PNO1: variants seen among roughly 807,000 people sequenced by gnomAD.
PNO1 encodes the protein partner of NOB1 homolog.
A neutral mutation model predicts 28.4 loss-of-function variants in PNO1; 16 were observed. The ratio of observed to expected loss-of-function variants is 0.56; its 90% CI spans 0.38 to 0.85. The LOEUF (loss-of-function observed/expected upper bound fraction) is 0.85. PNO1 is among the 40% of genes least tolerant of loss of function. The pLI is 0.00. For missense variants in PNO1, 304 were observed against 312.2 expected, an observed-to-expected ratio of 0.97 and a Z score of 0.20; for synonymous variants, 115 against 110.8, an observed-to-expected ratio of 1.04 and a Z score of -0.24.
rs190021685 is a variant in PNO1 at position 68,173,685 on chromosome 2, C to A, written c.691+268C>A. 3.4e-3 allele frequency among the ~76,000 whole-genome samples: 505 copies of A among 148,782 alleles called. 2 individuals are homozygous for A. Among genetic ancestry groups the A allele is most frequent in the African/African-American group, 0.012 (480 of 40,208 alleles). On this transcript the variant is annotated intron_variant, in intron 6 of 6. Coordinates refer to ENST00000263657, the MANE Select transcript of PNO1 (RefSeq NM_020143.4). ...GCAACCTCTGCCTCCCAAGTTCAAGCGATTCTCCTGCCTCAGACTCATGAG... is the reference window on the plus strand; with the variant it reads ...GCAACCTCTGCCTCCCAAGTTCAAGAGATTCTCCTGCCTCAGACTCATGAG...
chr2:68,163,560 C>T (rs952159234), intron 5 of PNO1, among the ~76,000 whole-genome samples: 6 of 150,734 alleles, frequency 4.0e-5, no homozygotes, highest in African/African-American at 1.5e-4. Context: ...TACATACATA[C>T]ATACATACAT....
intron 2 of PNO1, 102 bp downstream of exon 2, chr2:68,158,631 G>T: frequency 1.9e-6 from 2 of 1,073,646 alleles, no homozygotes; most frequent in Non-Finnish European, 2.6e-6. Flanking sequence ...TCTGTTGTAT[G>T]GTTTTTGTCC....
intron 5 of PNO1, among the ~76,000 whole-genome samples, chr2:68,171,317 A>G (rs1215714516): frequency 2.6e-5 from 4 of 152,162 alleles, no homozygotes; most frequent in East Asian, 1.9e-4. Context: ...AAACGCCCCC[A>G]TGCTTTCTGC....
chr2:68,170,007 T>C (rs966233724), intron 5 of PNO1, among the ~76,000 whole-genome samples: 5 of 152,228 alleles, frequency 3.3e-5, no homozygotes, highest in Non-Finnish European at 5.9e-5. Context: ...GAATTACTTA[T>C]ATCTTTTGTG....
intron 5 of PNO1, among the ~76,000 whole-genome samples, chr2:68,168,912 A>C (rs993037705): frequency 1.4e-5 from 2 of 139,700 alleles, no homozygotes; most frequent in Non-Finnish European, 3.0e-5. Flanking sequence ...CAAGCAATTC[A>C]GCTTTTTTCT....
chr2:68,161,082 G>A, intron 2 of PNO1: 1 of 400,832 alleles, frequency 2.5e-6, no homozygotes, highest in East Asian at 7.3e-5. Context: ...GTTATGGTGT[G>A]TAAAGCATGT....
rs910861102 is a variant in PNO1, at chr2:68,158,261, G to C, written c.208-119G>C. 2.9e-6 allele frequency: 4 copies of C among 1,367,508 alleles called. No homozygotes were observed. In the African/African-American group the frequency reaches 5.8e-5, roughly 20 times the overall value. The allele number at this position is 1,367,508 out of a possible 1,614,324, so 84.7% of individuals were successfully genotyped here. A position where few individuals can be genotyped will look rare whatever the true frequency, so the allele number is the denominator to read the frequency against. ...GTTCTGCCGTGATGCTCAGAGAGAAGTGATTCTTTGAAGTGTAACTAGTTC... is the reference window on the plus strand; with the variant it reads ...GTTCTGCCGTGATGCTCAGAGAGAACTGATTCTTTGAAGTGTAACTAGTTC... On this transcript the variant is annotated intron_variant, in intron 1 of 6. Coordinates refer to ENST00000263657, the MANE Select transcript of PNO1 (RefSeq NM_020143.4).
intron 2 of PNO1, 26 bp from the exon 3 acceptor site, chr2:68,161,657 T>G (rs2103669375): frequency 1.5e-6 from 2 of 1,371,514 alleles, no homozygotes; most frequent in Non-Finnish European, 2.1e-6. Flanking sequence ...CAACGGTATT[T>G]TGTACCCTTT....
chr2:68,176,178 ATTATT>A lies in PNO1; in HGVS notation c.*1381_*1385del, dbSNP rs1484755779. ...GCTAGTTTCTGCCTGTTTAAATGGT[ATTATT>A]TTATACATTACAAAATGGAAGGAAC... On this transcript the variant is annotated 3_prime_UTR_variant, in exon 7 of 7. Transcript: ENST00000263657. 1.3e-5 allele frequency: 2 copies of A among 152,244 alleles called. No homozygotes were observed. Among genetic ancestry groups the A allele is most frequent in the African/African-American group, 4.8e-5 (2 of 41,476 alleles). The allele number at this position is 152,244 out of a possible 1,614,324, so 9.4% of individuals were successfully genotyped here.
intron 5 of PNO1, among the ~76,000 whole-genome samples, chr2:68,172,056 A>G (rs1005041321): frequency 1.3e-5 from 2 of 152,108 alleles, no homozygotes; most frequent in African/African-American, 4.8e-5. Context: ...TAGGGTGGAA[A>G]ACAAGACCCC....
In PNO1 at chr2:68,161,633, T is replaced by G. The variant is rs368158728; in HGVS notation, c.358-50T>G. 2.2e-4 allele frequency: 252 copies of G among 1,131,072 alleles called. 1 individual carries two copies. The African/African-American group carries it at 3.4e-3, about 15-fold the overall frequency. The allele number at this position is 1,131,072 out of a possible 1,614,324, so 70.1% of individuals were successfully genotyped here. ...ATTTCCAGTATTTTGTTAGGACATT[T>G]TCTGTTTGATTCTCAACGGTATTTT... On this transcript the variant is annotated intron_variant, in intron 2 of 6. Coordinates refer to ENST00000263657, the MANE Select transcript of PNO1 (RefSeq NM_020143.4).
chr2:68,165,312 C>T (rs1428500445), intron 5 of PNO1, among the ~76,000 whole-genome samples: 3 of 142,956 alleles, frequency 2.1e-5, no homozygotes, highest in South Asian at 2.2e-4. Context: ...TGCAGTGAGC[C>T]GAGATCCCGC....
intron 2 of PNO1, among the ~76,000 whole-genome samples, chr2:68,160,539 A>T (rs1673805016): frequency 6.6e-6 from 1 of 152,092 alleles, no homozygotes; most frequent in Non-Finnish European, 1.5e-5. Flanking sequence ...TGTCCTATTT[A>T]TTGCAGGATA....
At chr2:68,169,860 AATTTGTGTGTAACTGG>A (rs1313549626) in intron 5 of PNO1, among the ~76,000 whole-genome samples, 1 of 152,140 alleles carries the variant, frequency 6.6e-6, no homozygotes, top group Non-Finnish European at 1.5e-5. Flanking sequence ...TGTTGAAAAA[AATTTGTGTGTAACTGG>A]ACCTGTGCAG....
chr2:68,161,227 G>C (rs1470071441), intron 2 of PNO1: 2 of 471,174 alleles, frequency 4.2e-6, no homozygotes, highest in Admixed American at 4.7e-5. Context: ...CATGCAGGTA[G>C]TTAGGCCTGG....
Position 68,171,101 on chromosome 2 carries a change from C to T in PNO1, c.621-2246C>T, listed in dbSNP as rs115427143. ...AAATCAGTGCTCAGTGTACTTATAG[C>T]TGAGCCAGGTGAAATACTGTGACTG... On this transcript the variant is annotated intron_variant, in intron 5 of 6. Transcript: ENST00000263657. 9.1e-3 allele frequency among the ~76,000 whole-genome samples: 1,388 copies of T among 152,314 alleles called. 11 individuals carry two copies. Among genetic ancestry groups the T allele is most frequent in the Non-Finnish European group, 0.014 (975 of 68,030 alleles).
chr2:68,172,780 T>C (rs1261651593), intron 5 of PNO1, among the ~76,000 whole-genome samples: 1 of 152,214 alleles, frequency 6.6e-6, no homozygotes, highest in Non-Finnish European at 1.5e-5. Context: ...TGAGGATTAA[T>C]GAGGGCATGC....
chr2:68,158,264 A>T (rs1673724988), intron 1 of PNO1, 116 bp from the exon 2 acceptor site: 2 of 1,371,096 alleles, frequency 1.5e-6, no homozygotes, highest in Non-Finnish European at 2.0e-6. Flanking sequence ...GAGAGAAGTG[A>T]TTCTTTGAAG....
At chr2:68,168,733 G>T (rs1458771924) in intron 5 of PNO1, among the ~76,000 whole-genome samples, 2 of 152,012 alleles carry the variant, frequency 1.3e-5, no homozygotes, top group Admixed American at 1.3e-4. Context: ...TATTTTATAA[G>T]ATAAAGGGGT....
Sources: allele counts gnomAD v4.1 joint callset (sites outside exome capture counted in the v4.1 genomes callset), GRCh38; gene constraint gnomAD v4.1.1; transcripts MANE v1.5; gene names NCBI Gene and HGNC (gene_info 2026-07-23, HGNC 2026-07-21).